GJC1: variants seen among roughly 807,000 people sequenced by gnomAD.
GJC1 encodes gap junction protein gamma 1, also known as gap junction gamma-1 protein.
GJC1 carries 5 observed loss-of-function variants against 29.3 expected under a neutral mutation model. The ratio of observed to expected loss-of-function variants is 0.17; its 90% confidence interval spans 0.09 to 0.36. GJC1 has a LOEUF of 0.36. Ranked by LOEUF, GJC1 falls within the 10% of genes least tolerant of loss-of-function variation. The probability of loss-of-function intolerance (pLI) is 1.00; values close to 1 mark genes in which losing one functional copy is unlikely to be tolerated. For synonymous variants in GJC1, 177 were observed against 183.3 expected (o/e 0.97, Z 0.28); for missense variants, 310 against 496.2 (o/e 0.62, Z 3.56).
intron 1 of GJC1, among the ~76,000 whole-genome samples, chr17:44,823,959 C>T (rs987114571): frequency 2.0e-5 from 3 of 151,894 alleles, no homozygotes; most frequent in African/African-American, 7.3e-5. Flanking sequence ...GACCTGCCCA[C>T]CTCGGCCTCC....
chr17:44,810,167 T>C (rs548161797), intron 1 of GJC1, among the ~76,000 whole-genome samples: 1 of 152,004 alleles, frequency 6.6e-6, no homozygotes, highest in East Asian at 2.0e-4. Flanking sequence ...CAGCTAATTT[T>C]GTATTTTTAG....
intron 1 of GJC1, among the ~76,000 whole-genome samples, chr17:44,810,792 T>A (rs62853560): frequency 2.0e-5 from 3 of 151,662 alleles, no homozygotes; most frequent in Admixed American, 6.6e-5. Context: ...TTTTTTTTTT[T>A]AAACAGGGTC....
chr17:44,827,796 G>A (rs555678403), intron 1 of GJC1, among the ~76,000 whole-genome samples: 41 of 151,994 alleles, frequency 2.7e-4, no homozygotes, highest in Non-Finnish European at 4.9e-4. Flanking sequence ...TTAGCCAGGC[G>A]TGGTGGCGGG....
At chr17:44,816,532 C>T (rs1449876581) in intron 1 of GJC1, among the ~76,000 whole-genome samples, 1 of 152,070 alleles carries the variant, frequency 6.6e-6, no homozygotes, top group Admixed American at 6.6e-5. Context: ...GACAGAGTGT[C>T]GCTCTGTCGC....
At chr17:44,812,577 T>C (rs1044781775) in intron 1 of GJC1, among the ~76,000 whole-genome samples, 1 of 152,096 alleles carries the variant, frequency 6.6e-6, no homozygotes, top group African/African-American at 2.4e-5. Context: ...CCTTATGTCC[T>C]TCTAGTCTTT....
chr17:44,808,911 C>A (rs945916099), intron 1 of GJC1, among the ~76,000 whole-genome samples: 2 of 151,958 alleles, frequency 1.3e-5, no homozygotes, highest in Non-Finnish European at 2.9e-5. Flanking sequence ...GACCAACTAA[C>A]TAAAAATACA....
chr17:44,804,505 TCATGAGCCAACAGC>T lies in GJC1; in HGVS notation c.*108_*121del. 1.3e-6 allele frequency: 1 copy of T among 789,358 alleles called. No homozygotes were observed. The highest frequency in any genetic ancestry group is 1.8e-5 in the South Asian group (1 of 56,480). The allele number at this position is 789,358 out of a possible 1,614,324, so 48.9% of individuals were successfully genotyped here. Reference sequence around the variant, plus strand: ...GCCTCCAGAGTCCCCTGAGCTTGGATCATGAGCCAACAGCATCCCTGAAGATAACCAGAGCCAAA... The same window carrying T: ...GCCTCCAGAGTCCCCTGAGCTTGGATATCCCTGAAGATAACCAGAGCCAAA... On this transcript the variant is annotated 3_prime_UTR_variant, in exon 3 of 3. Transcript: ENST00000592524.
chr17:44,814,530 TTCAC>T (rs946047171), intron 1 of GJC1, among the ~76,000 whole-genome samples: 2 of 152,202 alleles, frequency 1.3e-5, no homozygotes, highest in Non-Finnish European at 2.9e-5. Context: ...TTCAAAAGGA[TTCAC>T]TCACTCACAC....
chr17:44,821,718 A>AAAAAAAC (rs2050109489), intron 1 of GJC1, among the ~76,000 whole-genome samples: 1 of 128,922 alleles, frequency 7.8e-6, no homozygotes, highest in Non-Finnish European at 1.7e-5. Context: ...AAAAAAAAAA[A>AAAAAAAC]AAAAAAACAA....
rs769579986 is a variant in GJC1 at position 44,802,673 on chromosome 17, A to G, written c.*1954T>C. ...AGATTTTTTTTTAAAAAAGCAAATA[A>G]AAGTAAATGAATGGCTAAAAGATAA... is the stretch of plus-strand genomic sequence containing the variant. On this transcript the variant is annotated 3_prime_UTR_variant, in exon 3 of 3. Coordinates refer to ENST00000592524, the MANE Select transcript of GJC1 (RefSeq NM_005497.4). 24 of 152,144 alleles carry G rather than the reference A, an allele frequency of 1.6e-4. No individual in the cohort carries two copies. The highest frequency in any genetic ancestry group is 2.6e-4 in the Non-Finnish European group (18 of 68,034). 9.4% of individuals were successfully genotyped at this position (152,144 alleles called of 1,614,324 possible).
chr17:44,804,366 T>A lies in GJC1; in HGVS notation c.*261A>T. ...GTTCAACAAGAATGATTTAAATATG[T>A]CTGTTCTTCTCCAGATCTGGAAGAC... On this transcript the variant is annotated 3_prime_UTR_variant, in exon 3 of 3. Transcript: ENST00000592524. The A allele has an allele frequency of 2.3e-6, 1 of 431,922 alleles. No individual in the cohort carries two copies. Among genetic ancestry groups the A allele is most frequent in the Middle Eastern group, 6.1e-4 (1 of 1,644 alleles). 26.8% of individuals were successfully genotyped at this position (431,922 alleles called of 1,614,324 possible). A position where few individuals can be genotyped will look rare whatever the true frequency, so the allele number is the denominator to read the frequency against.
Position 44,804,654 on chromosome 17 carries a change from C to T in GJC1, c.1164G>A (p.Gly388=). The T allele has an allele frequency of 3.1e-6, 5 of 1,613,570 alleles. No individual in the cohort carries two copies. Among genetic ancestry groups the T allele is most frequent in the Non-Finnish European group, 4.2e-6 (5 of 1,179,730 alleles). The change falls in exon 3 of 3, where the codon GGG becomes GGA. Residue 388 remains glycine (G), a synonymous_variant. Coordinates refer to ENST00000592524, the MANE Select transcript of GJC1 (RefSeq NM_005497.4). ...SNKSTASSKS[G]DGKTSVWI is the part of the protein sequence containing the mutation. ...AAATCCAGACGGAGGTCTTCCCATC[C>T]CCTGATTTGCTACTGGCAGTGCTTT...
At chr17:44,795,853 G>A (rs1422265903), downstream of GJC1, among the ~76,000 whole-genome samples, 1 of 152,120 alleles carries the variant, frequency 6.6e-6, no homozygotes, top group Non-Finnish European at 1.5e-5. Context: ...TCTGTATCCC[G>A]AGGTTCTTGC....
chr17:44,824,810 A>C (rs2050151933), intron 1 of GJC1, among the ~76,000 whole-genome samples: 1 of 125,094 alleles, frequency 8.0e-6, no homozygotes, highest in African/African-American at 2.9e-5. Flanking sequence ...GACTGTCTTA[A>C]AAAAAAAAAA....
At chr17:44,794,620 T>A (rs2049773499), downstream of GJC1, 1 of 152,080 alleles carries the variant, frequency 6.6e-6, no homozygotes, top group Non-Finnish European at 1.5e-5. Context: ...TCCATAGGAG[T>A]ACACAAACTA....
At position 44,802,417 on chromosome 17, in the gene GJC1, A is replaced by C. The variant is rs977084127; in HGVS notation, c.*2210T>G. Reference sequence around the variant, plus strand: ...GAAGCTCCAGTGATGTTAAGAATTAACTGGTAGTTCTTTATCTTAGCTAGG... The same window carrying C: ...GAAGCTCCAGTGATGTTAAGAATTACCTGGTAGTTCTTTATCTTAGCTAGG... On this transcript the variant is annotated 3_prime_UTR_variant, in exon 3 of 3. Transcript: ENST00000592524. 1.3e-5 allele frequency: 2 copies of C among 152,200 alleles called. No homozygotes were observed. Among genetic ancestry groups the C allele is most frequent in the African/African-American group, 4.8e-5 (2 of 41,450 alleles). 9.4% of individuals were successfully genotyped at this position (152,200 alleles called of 1,614,324 possible). A position where few individuals can be genotyped will look rare whatever the true frequency, so the allele number is the denominator to read the frequency against.
Position 44,816,057 on chromosome 17 carries a change from G to A in GJC1, c.-96-8588C>T, listed in dbSNP as rs190749382. ...GAACCCGGGAGGCGGAGCTTGCAGT[G>A]AGCCGAGATCGTGCCACTGCACTCC... is the stretch of plus-strand genomic sequence containing the variant. On this transcript the variant is annotated intron_variant, in intron 1 of 2. Coordinates refer to ENST00000592524, the MANE Select transcript of GJC1 (RefSeq NM_005497.4). Among the ~76,000 whole-genome samples the A allele has an allele frequency of 1.6e-3, 218 of 139,964 alleles. 3 individuals are homozygous for A. The highest frequency in any genetic ancestry group is 9.2e-4 in the South Asian group (4 of 4,348). 91.8% of individuals were successfully genotyped at this position (139,964 alleles called of 152,430 possible). A position where few individuals can be genotyped will look rare whatever the true frequency, so the allele number is the denominator to read the frequency against.
intron 1 of GJC1, among the ~76,000 whole-genome samples, chr17:44,814,934 T>C (rs2050025711): frequency 6.6e-6 from 1 of 150,416 alleles, no homozygotes; most frequent in African/African-American, 2.5e-5. Context: ...AGAGCAAGAC[T>C]CAGTCTTAGG....
intron 1 of GJC1, among the ~76,000 whole-genome samples, chr17:44,820,649 T>C (rs186180874): frequency 6.6e-6 from 1 of 152,332 alleles, no homozygotes; most frequent in African/African-American, 2.4e-5. Context: ...ATTGACTCAC[T>C]GTAATTCCAA....
Sources: gnomAD v4.1 joint callset for allele counts (sites outside exome capture counted in the v4.1 genomes callset) on GRCh38, gnomAD v4.1.1 for gene constraint, MANE v1.5 for transcripts, NCBI Gene and HGNC (gene_info 2026-07-23, HGNC 2026-07-21) for gene names.